The following IQCJ variants were observed in gnomAD, a reference collection of about 807,000 sequenced individuals.
IQCJ encodes the protein IQ domain-containing protein J.
Under a neutral mutation model 11.0 loss-of-function variants are expected in IQCJ, and 9 were observed. The ratio of observed to expected loss-of-function variants is 0.82; its 90% CI spans 0.49 to 1.43. The LOEUF is 1.43. Ranked by LOEUF, IQCJ falls within the 40% of genes most tolerant of loss-of-function variation. The pLI is 0.00. For missense variants in IQCJ, 146 were observed against 133.2 expected (o/e 1.10, Z -0.47); for synonymous variants, 55 against 51.3 (o/e 1.07, Z -0.31).
rs1309148340 is a variant in IQCJ, at chr3:159,090,491, C to T, written c.9+21050C>T. On this transcript the variant is annotated intron_variant, in intron 1 of 3. Transcript: ENST00000397832. The stretch of plus-strand genomic sequence containing the variant: ...GCTGGGTCAGTTCTGAGAAGCACAT[C>T]GTCCGTAGAGTTGGTGGGTGGGGCT... Among the ~76,000 whole-genome samples the T allele has an allele frequency of 5.3e-5, 8 of 151,864 alleles. No homozygotes were observed. The South Asian group carries it at 6.2e-4, about 12-fold the overall frequency.
downstream of IQCJ, chr3:159,265,402 G>A: frequency 6.2e-7 from 1 of 1,611,244 alleles, no homozygotes; most frequent in Non-Finnish European, 8.5e-7. Flanking sequence ...ACCCTCCAGT[G>A]AATGGACCTC....
At chr3:159,101,334 C>A (rs538992678) in intron 1 of IQCJ, among the ~76,000 whole-genome samples, 1 of 151,970 alleles carries the variant, frequency 6.6e-6, no homozygotes, top group East Asian at 1.9e-4. Flanking sequence ...TCTTCTGCGT[C>A]GCTCAGGCTG....
chr3:159,214,958 G>T (rs1211613480), intron 1 of IQCJ, among the ~76,000 whole-genome samples: 1 of 152,146 alleles, frequency 6.6e-6, no homozygotes, highest in Non-Finnish European at 1.5e-5. Context: ...CTGTTAAAAG[G>T]TCATTTCAAA....
intron 1 of IQCJ, among the ~76,000 whole-genome samples, chr3:159,146,029 A>G (rs1029331236): frequency 7.9e-5 from 12 of 152,214 alleles, no homozygotes; most frequent in African/African-American, 2.9e-4. Flanking sequence ...CAGGATTTTG[A>G]TAGGTACATT....
intron 1 of IQCJ, among the ~76,000 whole-genome samples, chr3:159,110,987 A>G (rs1257447098): frequency 1.3e-5 from 2 of 152,338 alleles, no homozygotes; most frequent in African/African-American, 4.8e-5. Context: ...CTTTATGATA[A>G]CAGAAGAGGC....
chr3:159,189,338 G>A lies in IQCJ; in HGVS notation c.10-56505G>A, dbSNP rs149622356. Among the ~76,000 whole-genome samples, 221 of 152,262 alleles carry A rather than the reference G, an allele frequency of 1.5e-3. 3 individuals carry two copies. The highest frequency in any genetic ancestry group is 0.01 in the Admixed American group (158 of 15,306). On this transcript the variant is annotated intron_variant, in intron 1 of 3. Transcript: ENST00000397832. ...GGCTGGGGACAAGGGGACAAGGATT[G>A]CTAATATTGTTTATTTTGGTTTAGC... is the stretch of plus-strand genomic sequence containing the variant.
chr3:159,102,503 A>G (rs1184099371), intron 1 of IQCJ, among the ~76,000 whole-genome samples: 6 of 152,164 alleles, frequency 3.9e-5, no homozygotes, highest in African/African-American at 1.4e-4. Context: ...TCTGATTGGG[A>G]AAGGTAGTAA....
intron 1 of IQCJ, among the ~76,000 whole-genome samples, chr3:159,137,128 G>A (rs1720334911): frequency 6.6e-6 from 1 of 152,036 alleles, no homozygotes; most frequent in Non-Finnish European, 1.5e-5. Context: ...TGGATGCAGT[G>A]GTGGGCACCT....
At chr3:159,090,233 GGGGGTCAGGGGTCA>G (rs1186666342) in intron 1 of IQCJ, among the ~76,000 whole-genome samples, 1 of 151,480 alleles carries the variant, frequency 6.6e-6, no homozygotes, top group Non-Finnish European at 1.5e-5. Context: ...AGGCTGCTCG[GGGGGTCAGGGGTCA>G]GGGGTCAGGG....
chr3:159,197,863 A>G (rs138818199), intron 1 of IQCJ, among the ~76,000 whole-genome samples: 46 of 152,158 alleles, frequency 3.0e-4, no homozygotes, highest in African/African-American at 9.6e-4. Flanking sequence ...AAGAAATTCA[A>G]TTTTAATATG....
At chr3:159,222,815 A>G (rs1288115882) in intron 1 of IQCJ, among the ~76,000 whole-genome samples, 1 of 152,118 alleles carries the variant, frequency 6.6e-6, no homozygotes, top group Non-Finnish European at 1.5e-5. Context: ...GTACGCCTTA[A>G]TACAATAAAA....
At chr3:159,214,907 T>C (rs1480303600) in intron 1 of IQCJ, among the ~76,000 whole-genome samples, 1 of 152,224 alleles carries the variant, frequency 6.6e-6, no homozygotes, top group African/African-American at 2.4e-5. Context: ...ACAGGGCATA[T>C]TGTTACCCCC....
chr3:159,156,411 A>G (rs977175917), intron 1 of IQCJ, among the ~76,000 whole-genome samples: 2 of 152,216 alleles, frequency 1.3e-5, no homozygotes, highest in African/African-American at 4.8e-5. Flanking sequence ...GGGGAGGCAC[A>G]TGGGCCTTCT....
chr3:159,248,393 A>G (rs1395831956), intron 2 of IQCJ, among the ~76,000 whole-genome samples: 3 of 152,254 alleles, frequency 2.0e-5, no homozygotes, highest in Non-Finnish European at 4.4e-5. Context: ...GCTCTCGTTA[A>G]TATGAATAAA....
intron 1 of IQCJ, among the ~76,000 whole-genome samples, chr3:159,232,540 G>C (rs1363984296): frequency 6.8e-6 from 1 of 146,422 alleles, no homozygotes; most frequent in Non-Finnish European, 1.5e-5. Flanking sequence ...CATTGAGTGA[G>C]TTTCTTAATC....
intron 1 of IQCJ, among the ~76,000 whole-genome samples, chr3:159,200,040 A>G (rs2108062738): frequency 7.1e-6 from 1 of 141,172 alleles, no homozygotes; most frequent in East Asian, 2.1e-4. Flanking sequence ...CTATATATAT[A>G]TATATATAAA....
At chr3:159,182,618 G>A (rs1243015959) in intron 1 of IQCJ, among the ~76,000 whole-genome samples, 2 of 151,916 alleles carry the variant, frequency 1.3e-5, no homozygotes, top group Non-Finnish European at 2.9e-5. Flanking sequence ...ACGTGAGAGG[G>A]TCGTGATCGA....
intron 1 of IQCJ, among the ~76,000 whole-genome samples, chr3:159,230,989 G>T (rs969012686): frequency 9.2e-5 from 14 of 152,086 alleles, no homozygotes; most frequent in Admixed American, 9.2e-4. Context: ...TTGAAATCAC[G>T]CTTTTGCTGT....
chr3:159,178,899 C>G (rs753606522), intron 1 of IQCJ, among the ~76,000 whole-genome samples: 28 of 151,802 alleles, frequency 1.8e-4, no homozygotes, highest in Non-Finnish European at 3.4e-4. Flanking sequence ...TACCCCTGCA[C>G]GATGATGCCT....
Sources: allele counts gnomAD v4.1 joint callset (sites outside exome capture counted in the v4.1 genomes callset), GRCh38; gene constraint gnomAD v4.1.1; transcripts MANE v1.5; gene names NCBI Gene and HGNC (gene_info 2026-07-23, HGNC 2026-07-21).